Variants in CPNE7 observed in about 807,000 individuals in gnomAD.
CPNE7 encodes the protein copine 7, also known as copine-7.
In CPNE7, 78 loss-of-function variants were observed where a neutral mutation model predicts 66.5. The ratio of observed to expected loss-of-function variants is 1.17; its 90% CI spans 0.98 to 1.42. CPNE7 has a LOEUF of 1.42. Ranked by LOEUF, CPNE7 falls within the 40% of genes most tolerant of loss-of-function variation. The probability of loss-of-function intolerance (pLI) is 0.00; values close to 1 mark genes in which losing one functional copy is unlikely to be tolerated. For missense variants in CPNE7, 1,012 were observed against 776.6 expected (o/e 1.30, Z -3.60); for synonymous variants, 468 against 336.7 (o/e 1.39, Z -4.27).
chr16:89,583,657 C>A lies in CPNE7; in HGVS notation c.358-40C>A. 3.7e-6 allele frequency: 6 copies of A among 1,611,660 alleles called. No individual in the cohort carries two copies. In the South Asian group the frequency reaches 5.5e-5, roughly 15 times the overall value. ...TGGGGTCTCCAGGGTCAGGAGCCGTCCCCGCCTGCCCCTCCCTGCCTGACG... is the reference window on the plus strand; with the variant it reads ...TGGGGTCTCCAGGGTCAGGAGCCGTACCCGCCTGCCCCTCCCTGCCTGACG... On this transcript the variant is annotated intron_variant, in intron 2 of 14. Coordinates refer to ENST00000319518, the MANE Select transcript of CPNE7 (RefSeq NM_153636.3).
intron 3 of CPNE7, 104 bp from the exon 4 acceptor site, chr16:89,583,924 T>C: frequency 6.7e-7 from 1 of 1,486,006 alleles, no homozygotes; most frequent in South Asian, 1.2e-5. Context: ...ACACCTCCTC[T>C]CAGGCCCCGC....
At chr16:89,586,589 T>C in intron 7 of CPNE7, 81 bp from the exon 8 acceptor site, 1 of 1,162,220 alleles carries the variant, frequency 8.6e-7, no homozygotes, top group Non-Finnish European at 1.3e-6. Flanking sequence ...CCGTCGCTAT[T>C]GGGGATGGTC....
chr16:89,587,671 ACCCCGCGTCACCCATAGATACGCAC>A, intron 9 of CPNE7: 1 of 399,970 alleles, frequency 2.5e-6, no homozygotes, highest in South Asian at 1.7e-5. Context: ...TCACCCGCAG[ACCCCGCGTCACCCATAGATACGCAC>A]ACCCCGTGTC....
intron 7 of CPNE7, among the ~76,000 whole-genome samples, chr16:89,586,128 C>A (rs1197780081): frequency 6.6e-6 from 1 of 151,848 alleles, no homozygotes; most frequent in Non-Finnish European, 1.5e-5. Flanking sequence ...TTGGCCCTGC[C>A]ACAGAGGCTG....
At chr16:89,592,810 C>CTTTTTTTTTTTTTTT (rs57297283) in intron 13 of CPNE7, among the ~76,000 whole-genome samples, 16 of 106,350 alleles carry the variant, frequency 1.5e-4, no homozygotes, top group Non-Finnish European at 2.2e-4. Context: ...TTTTTCTTTT[C>CTTTTTTTTTTTTTTT]TTTTTTTTTT....
rs1272456623 is a variant in CPNE7 at position 89,592,527 on chromosome 16, C to T, written c.1302+1267C>T. Among the ~76,000 whole-genome samples, 3 of 149,416 alleles carry T rather than the reference C, an allele frequency of 2.0e-5. 1 individual carries two copies. Among genetic ancestry groups the T allele is most frequent in the African/African-American group, 7.5e-5 (3 of 39,860 alleles). On this transcript the variant is annotated intron_variant, in intron 13 of 14. Transcript: ENST00000319518. ...GTGCAATCTCGGCTCACTGCAAGCT[C>T]CACCCTCCGAGTTCAAGCAATTCTC...
Position 89,593,201 on chromosome 16 carries a change from C to T in CPNE7, c.1302+1941C>T, listed in dbSNP as rs78870028. Among the ~76,000 whole-genome samples the T allele has an allele frequency of 1.5e-3, 221 of 152,150 alleles. 2 individuals carry two copies. Among genetic ancestry groups the T allele is most frequent in the African/African-American group, 5.1e-3 (211 of 41,488 alleles). ...TCACCCGTCTACTTACATCTTCAAGCCAAATGGGAACCCTATATCTGTTTG... is the reference window on the plus strand; with the variant it reads ...TCACCCGTCTACTTACATCTTCAAGTCAAATGGGAACCCTATATCTGTTTG... On this transcript the variant is annotated intron_variant, in intron 13 of 14. Transcript: ENST00000319518.
At chr16:89,580,723 G>A (rs567244420) in intron 2 of CPNE7, among the ~76,000 whole-genome samples, 24 of 120,668 alleles carry the variant, frequency 2.0e-4, no homozygotes, top group South Asian at 1.7e-3. Flanking sequence ...CCCGTCACCC[G>A]CTGACACAGA....
chr16:89,592,913 C>T (rs538362857), intron 13 of CPNE7, among the ~76,000 whole-genome samples: 3 of 142,880 alleles, frequency 2.1e-5, no homozygotes, highest in Admixed American at 7.2e-5. Context: ...CCCGGGTTCA[C>T]GCCATTCTCC....
intron 2 of CPNE7, among the ~76,000 whole-genome samples, chr16:89,578,355 G>A (rs1043870976): frequency 6.6e-6 from 1 of 152,024 alleles, no homozygotes; most frequent in Admixed American, 6.6e-5. Flanking sequence ...GAGCCACGGT[G>A]CCCAGCCCAC....
intron 10 of CPNE7, among the ~76,000 whole-genome samples, chr16:89,589,494 A>G (rs1334765122): frequency 6.6e-6 from 1 of 152,080 alleles, no homozygotes; most frequent in African/African-American, 2.4e-5. Context: ...TCTTACCACA[A>G]CACAGACCCC....
rs75011255 is a variant in CPNE7, at chr16:89,584,189, C to T, written c.507+87C>T. 4.3e-3 allele frequency: 5,817 copies of T among 1,360,866 alleles called. 185 individuals carry two copies. In the African/African-American group the frequency reaches 0.076, roughly 18 times the overall value. The allele number at this position is 1,360,866 out of a possible 1,614,324, so 84.3% of individuals were successfully genotyped here. ...CGGTCCCTGCCCAGCGCTGACCTCGCGTGGCTATGTCCCGTGTGAGACGTG... is the reference window on the plus strand; with the variant it reads ...CGGTCCCTGCCCAGCGCTGACCTCGTGTGGCTATGTCCCGTGTGAGACGTG... On this transcript the variant is annotated intron_variant, in intron 4 of 14. Transcript: ENST00000319518. This position sits in a 1 kb window ranked among gnomAD's most constrained non-coding sequence, Gnocchi z 6.0.
Position 89,584,087 on chromosome 16 carries a change from G to C in CPNE7, c.492G>C (p.Arg164Ser). 6.2e-7 allele frequency: 1 copy of C among 1,611,672 alleles called. No individual in the cohort carries two copies. Among genetic ancestry groups the C allele is most frequent in the Non-Finnish European group, 8.5e-7 (1 of 1,179,382 alleles). ...NGYVELSFRA[R>S]KLDDKDLFSK... ...ACGTGGAGCTCTCCTTCCGGGCCAG[G>C]AAGCTGGACGACAAGGTGAGTGCAG... The change falls in exon 4 of 15, where the codon AGG becomes AGC. Residue 164 changes from arginine (R) to serine (S), a missense_variant. Arg to Ser is a moderately radical substitution (Grantham distance 110, BLOSUM62 -1). Coordinates refer to ENST00000319518, the MANE Select transcript of CPNE7 (RefSeq NM_153636.3). This position sits in a 1 kb window ranked among gnomAD's most constrained non-coding sequence, Gnocchi z 6.0.
chr16:89,575,829 C>A lies in CPNE7; in HGVS notation c.-69C>A. 1 of 1,090,070 alleles carries A rather than the reference C, an allele frequency of 9.2e-7. No individual in the cohort carries two copies. The highest frequency in any genetic ancestry group is 1.1e-6 in the Non-Finnish European group (1 of 891,428). The allele number at this position is 1,090,070 out of a possible 1,614,324, so 67.5% of individuals were successfully genotyped here. A position where few individuals can be genotyped will look rare whatever the true frequency, so the allele number is the denominator to read the frequency against. On this transcript the variant is annotated 5_prime_UTR_variant, in exon 1 of 15. Coordinates refer to ENST00000319518, the MANE Select transcript of CPNE7 (RefSeq NM_153636.3). ...TGGGCCGGCCACCATTTCCCGGGCG[C>A]CGCGGCGGCGCCGACTCGCGGGCAG...
intron 1 of CPNE7, 48 bp from the exon 2 acceptor site, chr16:89,577,491 C>T (rs780555581): frequency 1.4e-5 from 21 of 1,538,358 alleles, no homozygotes; most frequent in African/African-American, 2.7e-5. Context: ...GTCTGGAGCC[C>T]GGGGTGGAAG....
At chr16:89,595,638 T>C in intron 14 of CPNE7, 35 bp downstream of exon 14, 3 of 1,557,438 alleles carry the variant, frequency 1.9e-6, no homozygotes, top group Non-Finnish European at 2.6e-6. Flanking sequence ...CAAGGCCGGC[T>C]TGGGGGTCCC....
chr16:89,587,060 C>T lies in CPNE7; in HGVS notation c.885C>T (p.Ser295=), dbSNP rs748223684. 6 of 1,580,198 alleles carry T rather than the reference C, an allele frequency of 3.8e-6. No individual in the cohort carries two copies. In the African/African-American group the frequency reaches 4.0e-5, roughly 11 times the overall value. The change falls in exon 9 of 15, where the codon TCC becomes TCT. Residue 295 remains serine (S), a synonymous_variant. Coordinates refer to ENST00000319518, the MANE Select transcript of CPNE7 (RefSeq NM_153636.3). ...LADLKFHRVY[S]FLDYIMGGCQ... is the part of the protein sequence containing the mutation. ...GCCGGAAGTTCCACAGGGTGTACTCCTTCCTGGACTATATCATGGGCGGCT... is the reference window on the plus strand; with the variant it reads ...GCCGGAAGTTCCACAGGGTGTACTCTTTCCTGGACTATATCATGGGCGGCT...
intron 13 of CPNE7, among the ~76,000 whole-genome samples, chr16:89,593,305 C>T (rs952262234): frequency 6.6e-6 from 1 of 151,828 alleles, no homozygotes; most frequent in Non-Finnish European, 1.5e-5. Flanking sequence ...TGCACACACA[C>T]ATTTGTGAAC....
chr16:89,585,664 C>T, intron 6 of CPNE7, 23 bp from the exon 7 acceptor site: 8 of 1,552,736 alleles, frequency 5.2e-6, no homozygotes, highest in Non-Finnish European at 7.0e-6. Flanking sequence ...GACAGCAGTG[C>T]TGAGGAGGAC....
Sources: allele counts gnomAD v4.1 joint callset (sites outside exome capture counted in the v4.1 genomes callset), GRCh38; gene constraint gnomAD v4.1.1; non-coding constraint Gnocchi (gnomAD v3.1); transcripts MANE v1.5; gene names NCBI Gene and HGNC (gene_info 2026-07-23, HGNC 2026-07-21).